The following CDKN2B-AS1 variants were observed in gnomAD, a reference collection of about 807,000 sequenced individuals.
CDKN2B-AS1 encodes the protein CDKN2B antisense RNA 1 (non-protein coding).
chr9:22,094,795 A>T lies in CDKN2B-AS1; in HGVS notation n.439-32308A>T, dbSNP rs1407894873. Among the ~76,000 whole-genome samples the T allele has an allele frequency of 1.4e-5, 2 of 143,760 alleles. 1 individual carries two copies. Among genetic ancestry groups the T allele is most frequent in the African/African-American group, 5.9e-5 (2 of 34,092 alleles). The allele number at this position is 143,760 out of a possible 152,430, so 94.3% of individuals were successfully genotyped here. On this transcript the variant is annotated intron_variant and non_coding_transcript_variant, in intron 4 of 4. Coordinates refer to ENST00000650946, the Ensembl canonical transcript of CDKN2B-AS1. ...AGCTTGGAGTAGTTTGATCATCTGAAGACTTCTTCTCTCAACTCGTCAAAG... is the reference window on the plus strand; with the variant it reads ...AGCTTGGAGTAGTTTGATCATCTGATGACTTCTTCTCTCAACTCGTCAAAG...
intron 1 of CDKN2B-AS1, among the ~76,000 whole-genome samples, chr9:22,032,291 C>T (rs769851088): frequency 1.3e-5 from 2 of 152,156 alleles, no homozygotes; most frequent in Non-Finnish European, 2.9e-5. Context: ...ACTTCTAACA[C>T]TGGACACCTT....
At chr9:22,020,322 C>G (rs887651461) in intron 1 of CDKN2B-AS1, among the ~76,000 whole-genome samples, 7 of 152,082 alleles carry the variant, frequency 4.6e-5, no homozygotes, top group Non-Finnish European at 1.5e-5. Context: ...ATTGTGAATA[C>G]TATTGCAATA....
intron 4 of CDKN2B-AS1, among the ~76,000 whole-genome samples, chr9:22,062,986 C>CATAT (rs1554672666): frequency 7.3e-6 from 1 of 136,766 alleles, no homozygotes; most frequent in African/African-American, 2.7e-5. Context: ...GACACACACA[C>CATAT]ATATATATAT....
At chr9:22,008,806 C>G in intron 1 of CDKN2B-AS1, 1 of 1,604,776 alleles carries the variant, frequency 6.2e-7, no homozygotes, top group South Asian at 1.1e-5. Flanking sequence ...ACCTGGATCG[C>G]GCGCCTCCCG....
chr9:22,032,452 T>C (rs1271577334), intron 1 of CDKN2B-AS1, among the ~76,000 whole-genome samples: 4 of 152,186 alleles, frequency 2.6e-5, no homozygotes, highest in Admixed American at 6.5e-5. Context: ...TTATTTATAC[T>C]TTGTATCCAC....
chr9:22,078,838 G>C (rs988861847), intron 4 of CDKN2B-AS1, among the ~76,000 whole-genome samples: 1 of 152,172 alleles, frequency 6.6e-6, no homozygotes, highest in African/African-American at 2.4e-5. Context: ...TGGGTATGCA[G>C]AGTTTTGAAA....
chr9:22,094,813 C>T (rs1265241818), intron 4 of CDKN2B-AS1, among the ~76,000 whole-genome samples: 5 of 144,416 alleles, frequency 3.5e-5, no homozygotes, highest in Non-Finnish European at 5.9e-5. Context: ...TCTCTCAACT[C>T]GTCAAAGTCA....
chr9:22,042,493 A>T (rs1329862604), intron 1 of CDKN2B-AS1, among the ~76,000 whole-genome samples: 2 of 152,086 alleles, frequency 1.3e-5, no homozygotes, highest in African/African-American at 4.8e-5. Flanking sequence ...TGCAACAGAT[A>T]AAATTAAGGA....
intron 4 of CDKN2B-AS1, among the ~76,000 whole-genome samples, chr9:22,107,053 G>C (rs1825678373): frequency 6.6e-6 from 1 of 152,186 alleles, no homozygotes; most frequent in South Asian, 2.1e-4. Context: ...TTTTAAAAAG[G>C]GAAGTCTTGT....
intron 4 of CDKN2B-AS1, among the ~76,000 whole-genome samples, chr9:22,117,404 T>C (rs1162387807): frequency 6.6e-6 from 1 of 151,826 alleles, no homozygotes; most frequent in Non-Finnish European, 1.5e-5. Flanking sequence ...AAATGAAGGG[T>C]TGGGGGGGAA....
At chr9:22,127,200 G>GC (rs1390061094) in exon 5 of CDKN2B-AS1, among the ~76,000 whole-genome samples, 6 of 152,142 alleles carry the variant, frequency 3.9e-5, no homozygotes, top group Admixed American at 6.5e-5. Flanking sequence ...TCCTGCCTCA[G>GC]CCTCCCAAGG....
intron 4 of CDKN2B-AS1, among the ~76,000 whole-genome samples, chr9:22,103,891 C>G (rs986140292): frequency 6.6e-6 from 1 of 152,158 alleles, no homozygotes; most frequent in African/African-American, 2.4e-5. Flanking sequence ...GCACTGCGTT[C>G]CAGTGACGGT....
intron 4 of CDKN2B-AS1, among the ~76,000 whole-genome samples, chr9:22,065,341 C>T (rs906725124): frequency 6.6e-6 from 1 of 152,154 alleles, no homozygotes; most frequent in African/African-American, 2.4e-5. Flanking sequence ...GCAAAGATTG[C>T]CAGCCTGGTC....
At chr9:22,118,084 C>T (rs1238541783) in intron 4 of CDKN2B-AS1, 1 of 152,308 alleles carries the variant, frequency 6.6e-6, no homozygotes. Flanking sequence ...TGATCACATG[C>T]CTTCTTGGCA....
chr9:22,096,328 A>C (rs1303764263), intron 4 of CDKN2B-AS1: 1 of 152,182 alleles, frequency 6.6e-6, no homozygotes, highest in Non-Finnish European at 1.5e-5. Flanking sequence ...ATGAGATTGG[A>C]CACCATTCGT....
At chr9:22,045,038 T>TGTGTG (rs58026190) in intron 1 of CDKN2B-AS1, among the ~76,000 whole-genome samples, 4,305 of 141,830 alleles carry the variant, frequency 0.03, 228 homozygotes, top group African/African-American at 0.11. Context: ...TATTATTTAT[T>TGTGTG]TGTGTGTGTG....
intron 4 of CDKN2B-AS1, among the ~76,000 whole-genome samples, chr9:22,075,547 T>G (rs1824462653): frequency 6.6e-6 from 1 of 152,214 alleles, no homozygotes; most frequent in African/African-American, 2.4e-5. Flanking sequence ...AGTTTGTTTC[T>G]TAAAACCACA....
intron 1 of CDKN2B-AS1, chr9:22,008,632 A>AT (rs1821315000): frequency 1.1e-5 from 18 of 1,586,706 alleles, no homozygotes; most frequent in Non-Finnish European, 1.5e-5. Flanking sequence ...TCTCTTTAGG[A>AT]TTTTTGCTGG....
At chr9:22,011,392 A>G (rs1387914560) in intron 1 of CDKN2B-AS1, among the ~76,000 whole-genome samples, 1 of 152,222 alleles carries the variant, frequency 6.6e-6, no homozygotes, top group African/African-American at 2.4e-5. Context: ...GAAGTGCTTT[A>G]CAGCTGTTGT....
Sources: allele counts gnomAD v4.1 joint callset (sites outside exome capture counted in the v4.1 genomes callset), GRCh38; gene constraint gnomAD v4.1.1; transcripts MANE v1.5; gene names NCBI Gene and HGNC (gene_info 2026-07-23, HGNC 2026-07-21).